The following MYO5A variants were observed in gnomAD, a reference collection of about 807,000 sequenced individuals.
MYO5A encodes myosin VA.
A neutral mutation model predicts 249.7 loss-of-function variants in MYO5A; 98 were observed. That is an observed-to-expected ratio of 0.39 (90% confidence interval 0.33 to 0.46). The LOEUF is 0.46. Among genes scored for constraint, MYO5A ranks in the 20% least tolerant of loss-of-function variants. The pLI is 0.98. For missense variants in MYO5A, 1,696 were observed against 2,308.8 expected (o/e 0.73, Z 5.44); for synonymous variants, 778 against 810.6 (o/e 0.96, Z 0.68).
At chr15:52,478,048 G>A (rs1015142717) in intron 1 of MYO5A, among the ~76,000 whole-genome samples, 11 of 152,156 alleles carry the variant, frequency 7.2e-5, no homozygotes, top group South Asian at 2.1e-4. Flanking sequence ...CTTGAGCTGC[G>A]GTGGGCTCCA....
At chr15:52,381,375 G>T (rs2041730660) in intron 16 of MYO5A, among the ~76,000 whole-genome samples, 1 of 152,092 alleles carries the variant, frequency 6.6e-6, no homozygotes, top group Admixed American at 6.5e-5. Flanking sequence ...AGAATCTCCA[G>T]ACAGCAGGAC....
chr15:52,344,340 C>T (rs1433124719), intron 30 of MYO5A, among the ~76,000 whole-genome samples: 4 of 152,122 alleles, frequency 2.6e-5, no homozygotes, highest in Admixed American at 1.3e-4. Context: ...CTCCTTAAAT[C>T]CATATGTATA....
chr15:52,383,293 T>G, intron 15 of MYO5A, 105 bp from the exon 16 acceptor site: 1 of 953,118 alleles, frequency 1.0e-6, no homozygotes, highest in South Asian at 1.3e-5. Flanking sequence ...GAGAAAACTT[T>G]GCCACTTATA....
intron 25 of MYO5A, among the ~76,000 whole-genome samples, chr15:52,357,388 G>A (rs1474696956): frequency 1.3e-5 from 2 of 150,350 alleles, no homozygotes; most frequent in Non-Finnish European, 2.9e-5. Context: ...CCTTGAATGG[G>A]CACTTTTTGT....
At chr15:52,380,903 A>C (rs1336295417) in intron 16 of MYO5A, among the ~76,000 whole-genome samples, 1 of 152,238 alleles carries the variant, frequency 6.6e-6, no homozygotes, top group Non-Finnish European at 1.5e-5. Flanking sequence ...TCAACCCTGG[A>C]GATTTCTCTA....
At chr15:52,373,455 C>T (rs1450297464) in intron 20 of MYO5A, among the ~76,000 whole-genome samples, 2 of 152,180 alleles carry the variant, frequency 1.3e-5, no homozygotes, top group African/African-American at 4.8e-5. Context: ...TCAGAGCTTC[C>T]ATTTTCAATC....
In MYO5A at chr15:52,493,867, T is replaced by A. The variant is rs960835308; in HGVS notation, c.27+34913A>T. Among the ~76,000 whole-genome samples, 70 of 152,302 alleles carry A rather than the reference T, an allele frequency of 4.6e-4. 1 individual carries two copies. Among genetic ancestry groups the A allele is most frequent in the African/African-American group, 1.5e-3 (64 of 41,558 alleles). On this transcript the variant is annotated intron_variant, in intron 1 of 41. Transcript: ENST00000399233. ...TGAGGGAAATATAGGAAAAGTATAT[T>A]CTTTATCTGAAACTATAATCTGTAT... is the stretch of plus-strand genomic sequence containing the variant.
In MYO5A at chr15:52,317,170, T is replaced by C. The variant is rs1202171950; in HGVS notation, c.5287A>G (p.Ser1763Gly). The C allele has an allele frequency of 2.5e-6, 4 of 1,614,048 alleles. No individual in the cohort carries two copies. Among genetic ancestry groups the C allele is most frequent in the Non-Finnish European group, 3.4e-6 (4 of 1,180,016 alleles). Residue 1763 changes from serine (S) to glycine (G), a missense_variant, in exon 40 of 42, where the codon AGT becomes GGT. By Grantham distance (56) the Ser-to-Gly change is moderately conservative (BLOSUM62 0). This residue lies in a region of MYO5A where 625 missense variants were observed against 908.1 expected (regional missense o/e 0.69). Coordinates refer to ENST00000399233, the MANE Select transcript of MYO5A (RefSeq NM_001382347.1). The stretch of plus-strand genomic sequence containing the variant: ...GGTTCCAGGGTTTCTTTAGCCCCAC[T>C]ATTCATCAGATTCTTGTCACGCAGC... ...EWLRDKNLMNSGAKETLEPLI... is the reference protein window; with the variant it reads ...EWLRDKNLMNGGAKETLEPLI...
At chr15:52,476,653 G>C (rs1567162883) in intron 1 of MYO5A, among the ~76,000 whole-genome samples, 1 of 152,248 alleles carries the variant, frequency 6.6e-6, no homozygotes, top group Admixed American at 6.5e-5. Flanking sequence ...CACTTATGAA[G>C]CTTAGTTTGG....
chr15:52,402,578 C>T (rs1409330686), intron 9 of MYO5A, among the ~76,000 whole-genome samples: 1 of 152,182 alleles, frequency 6.6e-6, no homozygotes, highest in Non-Finnish European at 1.5e-5. Flanking sequence ...GGCGCAGTGG[C>T]TCATGCCTGT....
intron 1 of MYO5A, among the ~76,000 whole-genome samples, chr15:52,444,375 A>T (rs764053970): frequency 1.1e-4 from 16 of 152,234 alleles, no homozygotes; most frequent in Non-Finnish European, 2.1e-4. Flanking sequence ...CGAACTATAT[A>T]GGTTGTATTC....
chr15:52,494,877 C>T (rs1472557445), intron 1 of MYO5A, among the ~76,000 whole-genome samples: 2 of 152,160 alleles, frequency 1.3e-5, no homozygotes, highest in African/African-American at 4.8e-5. Context: ...TACCTGAGCA[C>T]TTCAATACAT....
intron 31 of MYO5A, among the ~76,000 whole-genome samples, chr15:52,340,866 T>C (rs2039347966): frequency 6.6e-6 from 1 of 151,572 alleles, no homozygotes; most frequent in Admixed American, 6.6e-5. Flanking sequence ...GAGAACTGGT[T>C]GAACCCAGGA....
At position 52,457,412 on chromosome 15, in the gene MYO5A, C is replaced by A. The variant is rs557841298; in HGVS notation, c.28-24127G>T. 3.4e-5 allele frequency among the ~76,000 whole-genome samples: 5 copies of A among 145,008 alleles called. No homozygotes were observed. The South Asian group carries it at 9.1e-4, about 26-fold the overall frequency. On this transcript the variant is annotated intron_variant, in intron 1 of 41. Transcript: ENST00000399233. Reference sequence around the variant, plus strand: ...CACCAGCCTAAGTGACAGAGTGAGACCCTGTCTCAAAAAAAAAAAAAAAAA... The same window carrying A: ...CACCAGCCTAAGTGACAGAGTGAGAACCTGTCTCAAAAAAAAAAAAAAAAA...
chr15:52,403,953 C>T (rs540523396), intron 9 of MYO5A, among the ~76,000 whole-genome samples: 1 of 152,242 alleles, frequency 6.6e-6, no homozygotes, highest in East Asian at 1.9e-4. Context: ...GCTCTTGGCC[C>T]TTGGACTAAT....
At chr15:52,340,110 A>G (rs1418028646) in intron 32 of MYO5A, 86 bp downstream of exon 32, 2 of 1,448,702 alleles carry the variant, frequency 1.4e-6, no homozygotes, top group Non-Finnish European at 1.9e-6. Context: ...TTTTCCCAGC[A>G]AGAAAAACCC....
chr15:52,460,040 T>A (rs2076212162), intron 1 of MYO5A, among the ~76,000 whole-genome samples: 2 of 144,384 alleles, frequency 1.4e-5, no homozygotes, highest in Non-Finnish European at 3.0e-5. Context: ...ACTCTTTATA[T>A]CTCAGACGGG....
chr15:52,373,603 C>T (rs1229414929), intron 20 of MYO5A, among the ~76,000 whole-genome samples: 1 of 152,136 alleles, frequency 6.6e-6, no homozygotes, highest in African/African-American at 2.4e-5. Context: ...TGTTGGCTTA[C>T]ATGTGAGCAA....
chr15:52,330,787 A>G (rs2038852435), intron 34 of MYO5A, among the ~76,000 whole-genome samples: 1 of 152,214 alleles, frequency 6.6e-6, no homozygotes, highest in African/African-American at 2.4e-5. Flanking sequence ...TTACTTTTTA[A>G]TAAGATTAAA....
Sources: gnomAD v4.1 joint callset for allele counts (sites outside exome capture counted in the v4.1 genomes callset) on GRCh38, gnomAD v4.1.1 for gene constraint, gnomAD v4.1.1 regional missense constraint, MANE v1.5 for transcripts, NCBI Gene and HGNC (gene_info 2026-07-23, HGNC 2026-07-21) for gene names.